The following SASH1 variants were observed in gnomAD, a reference collection of about 807,000 sequenced individuals.
SASH1 encodes SAM and SH3 domain-containing protein 1.
A neutral mutation model predicts 125.2 loss-of-function variants in SASH1; 44 were observed. The ratio of observed to expected loss-of-function variants is 0.35; its 90% CI spans 0.28 to 0.45. SASH1 has a LOEUF of 0.45. Ranked by LOEUF, SASH1 falls within the 20% of genes least tolerant of loss-of-function variation. The pLI, the probability that SASH1 is intolerant of heterozygous loss-of-function variation, is 1.00. For missense variants in SASH1, 1,426 were observed against 1,614.5 expected, an observed-to-expected ratio of 0.88 and a Z score of 2.00; for synonymous variants, 639 against 649.1, an observed-to-expected ratio of 0.98 and a Z score of 0.24.
chr6:148,196,862 T>A, the SASH1 span, among the ~76,000 whole-genome samples: 1 of 152,030 alleles, frequency 6.6e-6, no homozygotes, highest in African/African-American at 2.4e-5. Context: ...TGATGGAAAT[T>A]GATGGATAGA....
At chr6:148,528,939 G>A (rs1781350392) in intron 12 of SASH1, among the ~76,000 whole-genome samples, 1 of 152,066 alleles carries the variant, frequency 6.6e-6, no homozygotes, top group Admixed American at 6.6e-5. Context: ...ATCTGGGGAT[G>A]ATGGGAGACA....
the SASH1 span, among the ~76,000 whole-genome samples, chr6:148,246,129 TCC>T: frequency 6.6e-6 from 1 of 152,290 alleles, no homozygotes; most frequent in East Asian, 1.9e-4. Flanking sequence ...TTTCTCTCTC[TCC>T]CTGTCTCTCT....
chr6:148,360,509 A>T (rs1004751745), intron 1 of SASH1, among the ~76,000 whole-genome samples: 2 of 151,868 alleles, frequency 1.3e-5, no homozygotes, highest in African/African-American at 4.8e-5. Flanking sequence ...TACCACGTCC[A>T]GTTAATTTTT....
At chr6:148,432,941 C>G (rs531650787) in intron 2 of SASH1, among the ~76,000 whole-genome samples, 65 of 152,300 alleles carry the variant, frequency 4.3e-4, no homozygotes, top group African/African-American at 1.4e-3. Flanking sequence ...GACCTAGTCC[C>G]TTTTAGTGTG....
At chr6:148,325,261 T>TTGTTGTTTGTTGTTG in intron 1 of SASH1, among the ~76,000 whole-genome samples, 1 of 149,994 alleles carries the variant, frequency 6.7e-6, no homozygotes, top group South Asian at 2.1e-4. Flanking sequence ...AAAAGCCTCT[T>TTGTTGTTTGTTGTTG]TTGTTGTTGT....
At position 148,326,828 on chromosome 6, in the gene SASH1, A is replaced by G. The variant is rs562049834; in HGVS notation, n.74+54451A>G. On this transcript the variant is annotated intron_variant and non_coding_transcript_variant, in intron 1 of 3. Transcript: ENST00000367469. ...GAAGTTAGAGCAATGCATGCCACTA[A>G]ATGAGGCATACATAATAAAATCCGC... Among the ~76,000 whole-genome samples, 17 of 152,242 alleles carry G rather than the reference A, an allele frequency of 1.1e-4. No individual in the cohort carries two copies. In the East Asian group the frequency reaches 3.3e-3, roughly 29 times the overall value.
At chr6:148,510,533 A>G (rs1780054302) in intron 8 of SASH1, among the ~76,000 whole-genome samples, 1 of 152,212 alleles carries the variant, frequency 6.6e-6, no homozygotes, top group Non-Finnish European at 1.5e-5. Context: ...AGAATCAGTC[A>G]TTTATTTTAT....
At chr6:148,229,310 G>A in the SASH1 span, among the ~76,000 whole-genome samples, 1 of 151,934 alleles carries the variant, frequency 6.6e-6, no homozygotes, top group Admixed American at 6.6e-5. Context: ...AAAGACTTGG[G>A]GAGGGTTAGT....
At chr6:148,356,390 G>C (rs938769196) in intron 1 of SASH1, among the ~76,000 whole-genome samples, 3 of 151,116 alleles carry the variant, frequency 2.0e-5, no homozygotes, top group Non-Finnish European at 4.4e-5. Flanking sequence ...CAGCCCATGA[G>C]GATGCCTGTG....
chr6:148,343,215 G>C lies in SASH1; in HGVS notation c.148G>C (p.Gly50Arg), dbSNP rs747027375. The change falls in exon 1 of 20, where the codon GGT becomes CGT. Residue 50 changes from glycine to arginine, a missense_variant. By Grantham distance (125) the Gly-to-Arg change is moderately radical. Coordinates refer to ENST00000367467, the MANE Select transcript of SASH1 (RefSeq NM_015278.5). ...CTCCCGACTCTGGACCGACGTGATG[G>C]GTATCCTGGTAAGTTACCTGGGGAG... ...AFSRLWTDVM[G>R]ILDGSLGNID... 51 of 1,587,312 alleles carry C rather than the reference G, an allele frequency of 3.2e-5. No homozygotes were observed. In the Admixed American group the frequency reaches 8.5e-4, roughly 26 times the overall value.
At chr6:148,468,431 A>G (rs1777947878) in intron 4 of SASH1, 114 bp from the exon 5 acceptor site, 4 of 743,280 alleles carry the variant, frequency 5.4e-6, no homozygotes, top group South Asian at 3.8e-5. Flanking sequence ...GCCTATAACA[A>G]TTTCCCTGGC....
intron 1 of SASH1, among the ~76,000 whole-genome samples, chr6:148,349,029 A>G (rs1186223467): frequency 2.0e-5 from 3 of 151,924 alleles, no homozygotes; most frequent in Non-Finnish European, 2.9e-5. Flanking sequence ...GTTCCCAGAG[A>G]GGTCTTTTCT....
chr6:148,222,778 ATCTCTC>A, the SASH1 span, among the ~76,000 whole-genome samples: 128 of 146,424 alleles, frequency 8.7e-4, no homozygotes, highest in East Asian at 4.2e-3. Context: ...TTCCCCTTCG[ATCTCTC>A]TCTCTCTCTC....
intron 12 of SASH1, among the ~76,000 whole-genome samples, chr6:148,528,285 G>T (rs189450097): frequency 7.9e-4 from 120 of 152,248 alleles, no homozygotes; most frequent in Non-Finnish European, 1.5e-3. Context: ...AGGTAATTAT[G>T]ACCATTCAAT....
chr6:148,524,097 TTATATATATA>T (rs371819726), intron 10 of SASH1, among the ~76,000 whole-genome samples: 1 of 79,550 alleles, frequency 1.3e-5, no homozygotes, highest in Non-Finnish European at 2.7e-5. Flanking sequence ...ATTCAGTTAA[TTATATATATA>T]TATATATATA....
chr6:148,200,820 G>T, the SASH1 span, among the ~76,000 whole-genome samples: 2 of 152,140 alleles, frequency 1.3e-5, no homozygotes, highest in Non-Finnish European at 2.9e-5. Context: ...TTGAAATATA[G>T]GGAAGCTTTA....
chr6:148,395,079 G>A (rs373505906), intron 2 of SASH1, among the ~76,000 whole-genome samples: 1 of 152,352 alleles, frequency 6.6e-6, no homozygotes, highest in African/African-American at 2.4e-5. Flanking sequence ...TAGGGGAAAA[G>A]TAGCATTAGA....
intron 1 of SASH1, among the ~76,000 whole-genome samples, chr6:148,275,280 C>T (rs1253583773): frequency 6.6e-6 from 1 of 152,072 alleles, no homozygotes; most frequent in Non-Finnish European, 1.5e-5. Context: ...TCATTCTTGG[C>T]CCTGGACATC....
At chr6:148,356,065 A>G (rs113787267) in intron 1 of SASH1, among the ~76,000 whole-genome samples, 7,555 of 118,210 alleles carry the variant, frequency 0.064, 283 homozygotes, top group South Asian at 0.2. Flanking sequence ...CCATTGTATC[A>G]TTCTGTTTTT....
Sources: gnomAD v4.1 joint callset for allele counts (sites outside exome capture counted in the v4.1 genomes callset) on GRCh38, gnomAD v4.1.1 for gene constraint, MANE v1.5 for transcripts, NCBI Gene and HGNC (gene_info 2026-07-23, HGNC 2026-07-21) for gene names.